INO80D: variants seen among roughly 807,000 people sequenced by gnomAD.
INO80D encodes INO80 complex subunit D.
A neutral mutation model predicts 87.6 loss-of-function variants in INO80D; 21 were observed. The ratio of observed to expected loss-of-function variants is 0.24; its 90% CI spans 0.17 to 0.35. The LOEUF is 0.35. INO80D is among the 10% of genes least tolerant of loss of function. The probability of loss-of-function intolerance (pLI) is 1.00; values close to 1 mark genes in which losing one functional copy is unlikely to be tolerated. For synonymous variants in INO80D, 440 were observed against 491.0 expected (o/e 0.90, Z 1.37); for missense variants, 982 against 1,280.7 (o/e 0.77, Z 3.56).
chr2:206,013,848 T>TAA lies in INO80D; in HGVS notation c.1542+3830_1542+3831dup, dbSNP rs34453361. ...AGCTATGACAAAGCCTGAGTAAGCT[T>TAA]AAAAAAAAAAAAAAAAAAAGCCTAT... On this transcript the variant is annotated intron_variant, in intron 8 of 10. Coordinates refer to ENST00000403263, the MANE Select transcript of INO80D (RefSeq NM_017759.5). Among the ~76,000 whole-genome samples, 379 of 117,972 alleles carry TAA rather than the reference T, an allele frequency of 3.2e-3. 3 individuals carry two copies. The highest frequency in any genetic ancestry group is 9.6e-3 in the Middle Eastern group (2 of 208). 77.4% of individuals were successfully genotyped at this position (117,972 alleles called of 152,430 possible).
At chr2:206,024,476 T>C (rs1688549199) in intron 6 of INO80D, among the ~76,000 whole-genome samples, 1 of 149,064 alleles carries the variant, frequency 6.7e-6, no homozygotes, top group Non-Finnish European at 1.5e-5. Context: ...GGTCTAGGAG[T>C]CAGGCAAGGT....
In INO80D at chr2:206,062,708, G is replaced by A; in HGVS notation, c.218+91C>T. On this transcript the variant is annotated intron_variant, in intron 3 of 10. Transcript: ENST00000403263. The surrounding 1 kb of genome is among the most constrained non-coding windows in gnomAD (Gnocchi z 4.6). ...AGGAAGGGAGGGAGGGAGAAATGAA[G>A]GACAGAAGAAAAGAGAAGAAAAAAC... 1 of 1,066,794 alleles carries A rather than the reference G, an allele frequency of 9.4e-7. No individual in the cohort carries two copies. The highest frequency in any genetic ancestry group is 1.5e-5 in the South Asian group (1 of 65,964). 66.1% of individuals were successfully genotyped at this position (1,066,794 alleles called of 1,614,324 possible). A position where few individuals can be genotyped will look rare whatever the true frequency, so the allele number is the denominator to read the frequency against.
At chr2:206,036,568 T>C (rs1688901870) in intron 5 of INO80D, among the ~76,000 whole-genome samples, 1 of 152,086 alleles carries the variant, frequency 6.6e-6, no homozygotes, top group Admixed American at 6.6e-5. Context: ...ACACTGGACT[T>C]TGGGGACTTG....
In INO80D at chr2:206,028,091, T is replaced by C. The variant is rs1024698975; in HGVS notation, c.1298+20A>G. ...CAAACTGAGATGAGTCCCTTAAGAA[T>C]AGGTTGCTGTGGCTCTAACCTGGTT... On this transcript the variant is annotated intron_variant, in intron 6 of 10. Coordinates refer to ENST00000403263, the MANE Select transcript of INO80D (RefSeq NM_017759.5). 1.3e-6 allele frequency: 2 copies of C among 1,492,410 alleles called. No individual in the cohort carries two copies. Among genetic ancestry groups the C allele is most frequent in the Non-Finnish European group, 1.8e-6 (2 of 1,102,302 alleles). 92.4% of individuals were successfully genotyped at this position (1,492,410 alleles called of 1,614,324 possible).
At chr2:206,078,208 A>C (rs762213007) in intron 1 of INO80D, among the ~76,000 whole-genome samples, 11 of 152,052 alleles carry the variant, frequency 7.2e-5, no homozygotes, top group Non-Finnish European at 1.3e-4. Flanking sequence ...ACCTGAGGTC[A>C]GGAGTTCAAG....
chr2:205,993,763 GAAAA>G lies in INO80D; in HGVS notation c.*10601_*10604del, dbSNP rs1009487920. On this transcript the variant is annotated 3_prime_UTR_variant, in exon 11 of 11. Transcript: ENST00000403263. ...TATTAATACATCCAAAAGAAAGAAA[GAAAA>G]ATGATTTTGTCACACTATATACAGA... 6.6e-6 allele frequency: 1 copy of G among 151,988 alleles called. No individual in the cohort carries two copies. Among genetic ancestry groups the G allele is most frequent in the Non-Finnish European group, 1.5e-5 (1 of 67,994 alleles). The allele number at this position is 151,988 out of a possible 1,614,324, so 9.4% of individuals were successfully genotyped here.
intron 9 of INO80D, among the ~76,000 whole-genome samples, chr2:206,008,306 A>G (rs1688082171): frequency 9.1e-6 from 1 of 110,176 alleles, no homozygotes; most frequent in Non-Finnish European, 1.8e-5. Flanking sequence ...TTTGAGATGG[A>G]GTCTTGCTCT....
At chr2:206,027,834 T>C (rs901265554) in intron 6 of INO80D, among the ~76,000 whole-genome samples, 4 of 152,194 alleles carry the variant, frequency 2.6e-5, no homozygotes, top group African/African-American at 9.6e-5. Flanking sequence ...TTCTAAGCAT[T>C]CTATTTTTTT....
At position 206,000,724 on chromosome 2, in the gene INO80D, A is replaced by T. The variant is rs935452289; in HGVS notation, c.*3644T>A. 2 of 152,188 alleles carry T rather than the reference A, an allele frequency of 1.3e-5. No homozygotes were observed. Among genetic ancestry groups the T allele is most frequent in the Non-Finnish European group, 2.9e-5 (2 of 68,036 alleles). The allele number at this position is 152,188 out of a possible 1,614,324, so 9.4% of individuals were successfully genotyped here. On this transcript the variant is annotated 3_prime_UTR_variant, in exon 11 of 11. Coordinates refer to ENST00000403263, the MANE Select transcript of INO80D (RefSeq NM_017759.5). ...CAGGTGAGAGATTGGGCTTATTTAA[A>T]AATAAATCTTATAAATAATTATTTG...
At chr2:206,043,234 C>A (rs1689100581) in intron 5 of INO80D, among the ~76,000 whole-genome samples, 1 of 152,004 alleles carries the variant, frequency 6.6e-6, no homozygotes. Context: ...TGCAGTGGCA[C>A]AATCTCGGCT....
chr2:206,048,754 C>T (rs1330411626), intron 4 of INO80D, among the ~76,000 whole-genome samples: 1 of 152,044 alleles, frequency 6.6e-6, no homozygotes, highest in African/African-American at 2.4e-5. Flanking sequence ...ATTAGCCAGG[C>T]TGAGTGGTGC....
Position 206,056,254 on chromosome 2 carries a change from A to C in INO80D, c.908T>G (p.Leu303Arg), listed in dbSNP as rs906767752. ...HFSCISRLQR[L>R]VKLCTQKHQL... ...ATGTTTCTGGGTGCACAGTTTCACC[A>C]GTCTCTGCAGTCGGCTTATACATGA... is the stretch of plus-strand genomic sequence containing the variant. The change falls in exon 4 of 11, where the codon CTG becomes CGG. Residue 303 changes from leucine (L) to arginine (R), a missense_variant. Transcript: ENST00000403263. 3 of 1,611,682 alleles carry C rather than the reference A, an allele frequency of 1.9e-6. No homozygotes were observed. In the South Asian group the frequency reaches 3.3e-5, roughly 18 times the overall value.
intron 7 of INO80D, among the ~76,000 whole-genome samples, chr2:206,018,358 C>A (rs572787166): frequency 4.6e-5 from 7 of 152,262 alleles, no homozygotes; most frequent in African/African-American, 9.6e-5. Flanking sequence ...ATTGGCCAGG[C>A]TGGTCTCGAA....
rs1164606161 is a variant in INO80D at position 205,997,945 on chromosome 2, G to A, written c.*6423C>T. 1 of 152,040 alleles carries A rather than the reference G, an allele frequency of 6.6e-6. No homozygotes were observed. Among genetic ancestry groups the A allele is most frequent in the Non-Finnish European group, 1.5e-5 (1 of 67,990 alleles). 9.4% of individuals were successfully genotyped at this position (152,040 alleles called of 1,614,324 possible). A position where few individuals can be genotyped will look rare whatever the true frequency, so the allele number is the denominator to read the frequency against. Reference sequence around the variant, plus strand: ...GTGCCCCCAATGTATATTTTTGCATGTGTGTAAAAAATACAGACATATACA... The same window carrying A: ...GTGCCCCCAATGTATATTTTTGCATATGTGTAAAAAATACAGACATATACA... On this transcript the variant is annotated 3_prime_UTR_variant, in exon 11 of 11. Transcript: ENST00000403263.
intron 6 of INO80D, among the ~76,000 whole-genome samples, chr2:206,020,479 C>T (rs190956704): frequency 6.6e-6 from 1 of 152,290 alleles, no homozygotes; most frequent in East Asian, 1.9e-4. Context: ...CTCTTCATCT[C>T]ATACATGGGG....
At position 205,994,609 on chromosome 2, in the gene INO80D, C is replaced by T. The variant is rs145114451; in HGVS notation, c.*9759G>A. 6.6e-6 allele frequency: 1 copy of T among 152,116 alleles called. No individual in the cohort carries two copies. The highest frequency in any genetic ancestry group is 6.5e-5 in the Admixed American group (1 of 15,268). 9.4% of individuals were successfully genotyped at this position (152,116 alleles called of 1,614,324 possible). ...CTCAGTAAAATGGCTCAAACCCCAG[C>T]CTCTCTATTTTAGTCTTCAGGAGTA... On this transcript the variant is annotated 3_prime_UTR_variant, in exon 11 of 11. Transcript: ENST00000403263.
chr2:206,006,480 C>A (rs963958498), intron 10 of INO80D, among the ~76,000 whole-genome samples: 1 of 151,578 alleles, frequency 6.6e-6, no homozygotes, highest in South Asian at 2.1e-4. Flanking sequence ...GTTGAGAGTT[C>A]GAGACCAGCC....
At chr2:206,072,842 T>TTC (rs1490518856) in intron 1 of INO80D, among the ~76,000 whole-genome samples, 1 of 136,176 alleles carries the variant, frequency 7.3e-6, no homozygotes, top group Non-Finnish European at 1.5e-5. Flanking sequence ...TCTAACTTTC[T>TTC]TCTCTTTTTT....
At chr2:206,084,400 T>C (rs1186840785) in intron 1 of INO80D, among the ~76,000 whole-genome samples, 2 of 152,128 alleles carry the variant, frequency 1.3e-5, no homozygotes, top group East Asian at 3.9e-4. Flanking sequence ...AATACAAGAA[T>C]GTCACATAAA....
Sources: gnomAD v4.1 joint callset for allele counts (sites outside exome capture counted in the v4.1 genomes callset) on GRCh38, gnomAD v4.1.1 for gene constraint, Gnocchi (gnomAD v3.1) non-coding constraint, MANE v1.5 for transcripts, NCBI Gene and HGNC (gene_info 2026-07-23, HGNC 2026-07-21) for gene names.